Variants in DYNC2I1 observed in about 807,000 individuals in gnomAD.
The protein encoded by DYNC2I1 is cytoplasmic dynein 2 intermediate chain 1.
DYNC2I1 carries 89 observed loss-of-function variants against 133.4 expected under a neutral mutation model. The ratio of observed to expected loss-of-function variants is 0.67; its 90% confidence interval spans 0.56 to 0.80. DYNC2I1 has a LOEUF of 0.80. DYNC2I1 is among the 30% of genes least tolerant of loss of function. DYNC2I1 has a pLI of 0.00. For missense variants in DYNC2I1, 1,291 were observed against 1,314.5 expected (o/e 0.98, Z 0.28); for synonymous variants, 504 against 484.3 (o/e 1.04, Z -0.54).
chr7:158,867,044 AC>A (rs1177761869), intron 1 of DYNC2I1, among the ~76,000 whole-genome samples: 1 of 148,200 alleles, frequency 6.7e-6, no homozygotes, highest in African/African-American at 2.5e-5. Context: ...TTTGAAACAA[AC>A]CCCCAAATGC....
At chr7:158,938,138 T>A (rs1035747131) in intron 23 of DYNC2I1, among the ~76,000 whole-genome samples, 7 of 152,164 alleles carry the variant, frequency 4.6e-5, no homozygotes, top group African/African-American at 1.7e-4. Context: ...TCAAACAGAT[T>A]CAACCCAAAT....
chr7:158,878,101 G>T (rs1843545854), intron 4 of DYNC2I1, among the ~76,000 whole-genome samples: 1 of 149,634 alleles, frequency 6.7e-6, no homozygotes, highest in African/African-American at 2.5e-5. Context: ...AGTGAGTGCT[G>T]GGCATCATGT....
At chr7:158,894,468 T>C (rs1159675980) in intron 8 of DYNC2I1, among the ~76,000 whole-genome samples, 1 of 152,258 alleles carries the variant, frequency 6.6e-6, no homozygotes, top group Non-Finnish European at 1.5e-5. Flanking sequence ...CCAGATTGGC[T>C]TCTTTCATTT....
chr7:158,934,035 T>A (rs1850494182), intron 21 of DYNC2I1, 94 bp from the exon 22 acceptor site: 2 of 839,472 alleles, frequency 2.4e-6, no homozygotes, highest in African/African-American at 1.7e-5. Flanking sequence ...CTGTTATACA[T>A]CGATGTATTG....
intron 8 of DYNC2I1, among the ~76,000 whole-genome samples, chr7:158,892,508 C>T (rs1188386201): frequency 1.3e-5 from 2 of 152,142 alleles, no homozygotes; most frequent in Admixed American, 6.5e-5. Flanking sequence ...GTGGCACGAT[C>T]ATAGCTCAGA....
the DYNC2I1 span, among the ~76,000 whole-genome samples, chr7:158,841,215 A>ATT: frequency 4.3e-4 from 26 of 59,774 alleles, 1 homozygote; most frequent in South Asian, 1.2e-3. Context: ...ATATATATAT[A>ATT]TATATATTTT....
rs377630336 is a variant in DYNC2I1 at position 158,872,632 on chromosome 7, G to GA, written c.490+1080dup. ...ACAGAGCGAGACTCTGTCTCTAAAA[G>GA]AAAAAAAAAACCATTCAGCCAATGA... On this transcript the variant is annotated intron_variant, in intron 3 of 24. Coordinates refer to ENST00000407559, the MANE Select transcript of DYNC2I1 (RefSeq NM_018051.5). Among the ~76,000 whole-genome samples the GA allele has an allele frequency of 1.9e-3, 277 of 142,602 alleles. 1 individual carries two copies. The Middle Eastern group carries it at 0.027, about 14-fold the overall frequency. The allele number at this position is 142,602 out of a possible 152,430, so 93.6% of individuals were successfully genotyped here.
intron 1 of DYNC2I1, among the ~76,000 whole-genome samples, chr7:158,863,236 G>A (rs770589097): frequency 3.3e-5 from 5 of 151,986 alleles, no homozygotes; most frequent in Admixed American, 6.5e-5. Context: ...ACAGAGTGCC[G>A]ATTGGTGCGT....
At chr7:158,929,267 A>T (rs536247498) in intron 20 of DYNC2I1, among the ~76,000 whole-genome samples, 1 of 152,342 alleles carries the variant, frequency 6.6e-6, no homozygotes, top group African/African-American at 2.4e-5. Flanking sequence ...CCATCTTTTT[A>T]TGAAATGTTC....
At chr7:158,939,742 A>C (rs1205267814) in intron 23 of DYNC2I1, among the ~76,000 whole-genome samples, 1 of 152,162 alleles carries the variant, frequency 6.6e-6, no homozygotes, top group Non-Finnish European at 1.5e-5. Flanking sequence ...TTCACCTATA[A>C]AGACACACTC....
intron 24 of DYNC2I1, among the ~76,000 whole-genome samples, chr7:158,943,972 T>G (rs946050872): frequency 2.6e-5 from 4 of 152,092 alleles, no homozygotes; most frequent in South Asian, 2.1e-4. Flanking sequence ...GAGGTGGCGC[T>G]CTCTCCTCCT....
chr7:158,874,522 G>A (rs116396879), intron 3 of DYNC2I1, among the ~76,000 whole-genome samples: 2,197 of 152,166 alleles, frequency 0.014, 47 homozygotes, highest in African/African-American at 0.05. Flanking sequence ...TTTCAGTGTG[G>A]TGTTGAAAGG....
chr7:158,871,293 A>G lies in DYNC2I1; in HGVS notation c.221A>G (p.His74Arg). Reference protein sequence around the residue: ...ARSRDRVAEVHTAKESPRGER... With the variant: ...ARSRDRVAEVRTAKESPRGER... ...AGCAGAGACAGGGTGGCCGAAGTCC[A>G]CACCGCTAAGGAGAGTCCTCGTGGG... Residue 74 changes from histidine (H) to arginine (R), a missense_variant, in exon 3 of 25, where the codon CAC (histidine) becomes CGC (arginine). By Grantham distance (29) the His-to-Arg change is conservative. Transcript: ENST00000407559. The G allele has an allele frequency of 6.3e-7, 1 of 1,583,896 alleles. No individual in the cohort carries two copies. The highest frequency in any genetic ancestry group is 8.6e-7 in the Non-Finnish European group (1 of 1,164,200).
chr7:158,905,694 G>A (rs1410155361), intron 10 of DYNC2I1, among the ~76,000 whole-genome samples: 2 of 152,108 alleles, frequency 1.3e-5, no homozygotes, highest in Non-Finnish European at 2.9e-5. Flanking sequence ...AGAATGGGCG[G>A]GATGGGGGCT....
Position 158,878,556 on chromosome 7 carries a change from T to C in DYNC2I1, c.574-1128T>C, listed in dbSNP as rs546976875. On this transcript the variant is annotated intron_variant, in intron 4 of 24. Transcript: ENST00000407559. The stretch of plus-strand genomic sequence containing the variant: ...GGATGCCAGGAGGGCCGACTGTGAG[T>C]GTCGGGCGCCATGTGGGGAGGCGAG... Among the ~76,000 whole-genome samples, 4 of 112,024 alleles carry C rather than the reference T, an allele frequency of 3.6e-5. No homozygotes were observed. In the East Asian group the frequency reaches 1.2e-3, roughly 33 times the overall value. 73.5% of individuals were successfully genotyped at this position (112,024 alleles called of 152,430 possible). A position where few individuals can be genotyped will look rare whatever the true frequency, so the allele number is the denominator to read the frequency against.
chr7:158,902,847 T>G, intron 10 of DYNC2I1: 1 of 460,124 alleles, frequency 2.2e-6, no homozygotes, highest in Non-Finnish European at 3.8e-6. Flanking sequence ...AGGCCTTAGG[T>G]TAGCTGAGGG....
intron 3 of DYNC2I1, among the ~76,000 whole-genome samples, chr7:158,872,724 C>G (rs1046656672): frequency 6.6e-6 from 1 of 151,746 alleles, no homozygotes. Context: ...GGGCCAGGCA[C>G]AGTGCCTCAT....
At chr7:158,869,326 C>T (rs1438465758) in intron 1 of DYNC2I1, 7 of 392,296 alleles carry the variant, frequency 1.8e-5, no homozygotes, top group Non-Finnish European at 1.0e-5. Context: ...GGGCCTCTCC[C>T]CAGGGCTGCT....
chr7:158,938,248 G>A (rs1415296584), intron 23 of DYNC2I1, among the ~76,000 whole-genome samples: 2 of 152,204 alleles, frequency 1.3e-5, no homozygotes, highest in African/African-American at 4.8e-5. Context: ...AACATATAAA[G>A]GAGTTCCAGT....
Sources: allele counts gnomAD v4.1 joint callset (sites outside exome capture counted in the v4.1 genomes callset), GRCh38; gene constraint gnomAD v4.1.1; transcripts MANE v1.5; gene names NCBI Gene and HGNC (gene_info 2026-07-23, HGNC 2026-07-21).